The following ARHGAP22 variants were observed in gnomAD, a reference collection of about 807,000 sequenced individuals.
ARHGAP22 encodes the protein Rho GTPase activating protein 22.
A neutral mutation model predicts 59.1 loss-of-function variants in ARHGAP22; 48 were observed. That is an observed-to-expected ratio of 0.81 (90% CI 0.64 to 1.03). ARHGAP22 has a LOEUF of 1.03. ARHGAP22 is among the 50% of genes least tolerant of loss of function. The probability of loss-of-function intolerance (pLI) is 0.00; values close to 1 mark genes in which losing one functional copy is unlikely to be tolerated. For missense variants in ARHGAP22, 1,015 were observed against 958.7 expected, an observed-to-expected ratio of 1.06 and a Z score of -0.78; for synonymous variants, 445 against 416.4, an observed-to-expected ratio of 1.07 and a Z score of -0.84.
At chr10:48,476,928 G>C (rs907105275) in intron 4 of ARHGAP22, among the ~76,000 whole-genome samples, 3 of 152,220 alleles carry the variant, frequency 2.0e-5, no homozygotes, top group Admixed American at 2.0e-4. Context: ...CTTGCTGGCT[G>C]TGTCATCTTG....
intron 1 of ARHGAP22, among the ~76,000 whole-genome samples, chr10:48,603,409 T>C (rs2060498424): frequency 6.6e-6 from 1 of 152,254 alleles, no homozygotes; most frequent in Non-Finnish European, 1.5e-5. Flanking sequence ...TAGATTTTAT[T>C]TAACCCAATA....
At chr10:48,475,156 A>G (rs933966946) in intron 4 of ARHGAP22, among the ~76,000 whole-genome samples, 3 of 152,170 alleles carry the variant, frequency 2.0e-5, no homozygotes, top group African/African-American at 7.2e-5. Context: ...CAAGTCACCA[A>G]TGACTGCTCA....
chr10:48,569,757 G>A (rs2058281459), intron 2 of ARHGAP22, among the ~76,000 whole-genome samples: 1 of 152,218 alleles, frequency 6.6e-6, no homozygotes, highest in African/African-American at 2.4e-5. Flanking sequence ...GTCATTTTTA[G>A]AAGGTGGAGA....
chr10:48,534,333 T>C (rs566808553), intron 3 of ARHGAP22, among the ~76,000 whole-genome samples: 1 of 152,356 alleles, frequency 6.6e-6, no homozygotes, highest in African/African-American at 2.4e-5. Context: ...CCATTGTCCT[T>C]TCCCTGAAGC....
chr10:48,574,128 T>C (rs893082790), intron 2 of ARHGAP22, among the ~76,000 whole-genome samples: 5 of 152,254 alleles, frequency 3.3e-5, no homozygotes, highest in Admixed American at 2.0e-4. Flanking sequence ...ATAAGCTCTT[T>C]GCCAATTCTC....
chr10:48,454,373 G>A (rs2046287471), intron 6 of ARHGAP22, among the ~76,000 whole-genome samples: 1 of 152,192 alleles, frequency 6.6e-6, no homozygotes, highest in Non-Finnish European at 1.5e-5. Context: ...CCAAGGAGCT[G>A]GTGTGAGGGG....
chr10:48,498,257 G>A (rs1040718199), intron 3 of ARHGAP22, among the ~76,000 whole-genome samples: 7 of 152,062 alleles, frequency 4.6e-5, no homozygotes, highest in Non-Finnish European at 7.4e-5. Flanking sequence ...CAGGGACCAC[G>A]GCAGCCACAC....
At chr10:48,573,296 A>G (rs11101387) in intron 2 of ARHGAP22, among the ~76,000 whole-genome samples, 58,789 of 152,110 alleles carry the variant, frequency 0.39, 12,807 homozygotes, top group East Asian at 0.89. Flanking sequence ...GTCCTATAAG[A>G]TAGGTGTGGT....
At chr10:48,565,948 A>G (rs1310738664) in intron 2 of ARHGAP22, among the ~76,000 whole-genome samples, 5 of 152,094 alleles carry the variant, frequency 3.3e-5, no homozygotes, top group Non-Finnish European at 7.4e-5. Context: ...CCTGCTTCCT[A>G]GTGTGTGATG....
At chr10:48,439,243 T>A in the ARHGAP22 span, 1 of 150,334 alleles carries the variant, frequency 6.7e-6, no homozygotes, top group Non-Finnish European at 1.5e-5. Context: ...TGGTTTTTCA[T>A]CATTCATGCC....
At chr10:48,432,497 C>T in the ARHGAP22 span, among the ~76,000 whole-genome samples, 10 of 152,050 alleles carry the variant, frequency 6.6e-5, no homozygotes, top group African/African-American at 2.4e-4. Flanking sequence ...CTTTTCTCTA[C>T]AATTTACTTA....
chr10:48,540,763 T>C (rs1205244156), intron 3 of ARHGAP22, among the ~76,000 whole-genome samples: 1 of 152,118 alleles, frequency 6.6e-6, no homozygotes, highest in Admixed American at 6.5e-5. Flanking sequence ...CCATGACTTT[T>C]AGCATTCTTT....
In ARHGAP22 at chr10:48,640,163, C is replaced by T. The variant is rs141774619; in HGVS notation, c.52+12071G>A. Among the ~76,000 whole-genome samples, 223 of 152,034 alleles carry T rather than the reference C, an allele frequency of 1.5e-3. 1 individual carries two copies. Among genetic ancestry groups the T allele is most frequent in the African/African-American group, 5.0e-3 (206 of 41,486 alleles). On this transcript the variant is annotated intron_variant, in intron 1 of 9. Transcript: ENST00000435790. ...GTAAAGACAGAGTTATCGAAATTAGCGAACCTGAAGAACACAAAACAATTT... is the reference window on the plus strand; with the variant it reads ...GTAAAGACAGAGTTATCGAAATTAGTGAACCTGAAGAACACAAAACAATTT...
At chr10:48,642,350 A>T (rs1200692462) in intron 1 of ARHGAP22, among the ~76,000 whole-genome samples, 1 of 152,240 alleles carries the variant, frequency 6.6e-6, no homozygotes, top group African/African-American at 2.4e-5. Context: ...CTACAAGGCT[A>T]CAGTAACCAA....
At chr10:48,449,106 C>CCAGCCTTCTGCATGGA (rs1286970381) in intron 9 of ARHGAP22, among the ~76,000 whole-genome samples, 2 of 152,178 alleles carry the variant, frequency 1.3e-5, no homozygotes, top group African/African-American at 4.8e-5. Flanking sequence ...CTGGTCCAGC[C>CCAGCCTTCTGCATGGA]CAGCCTTCTG....
chr10:48,492,111 A>C (rs1382778003), intron 3 of ARHGAP22, among the ~76,000 whole-genome samples: 1 of 152,230 alleles, frequency 6.6e-6, no homozygotes, highest in Non-Finnish European at 1.5e-5. Context: ...CATTTTCATA[A>C]GAAAAAGAAA....
At chr10:48,449,443 C>G (rs927940245) in intron 9 of ARHGAP22, among the ~76,000 whole-genome samples, 11 of 152,232 alleles carry the variant, frequency 7.2e-5, no homozygotes, top group African/African-American at 2.7e-4. Context: ...GCTGCCATTC[C>G]AGCTCCCAGT....
chr10:48,581,278 G>C (rs1382146906), intron 2 of ARHGAP22, among the ~76,000 whole-genome samples: 1 of 152,184 alleles, frequency 6.6e-6, no homozygotes, highest in Non-Finnish European at 1.5e-5. Context: ...GGGCTGGCAC[G>C]TTTGCTATAA....
intron 1 of ARHGAP22, among the ~76,000 whole-genome samples, 166 bp from the exon 2 acceptor site, chr10:48,583,318 T>A (rs1210100509): frequency 1.3e-5 from 2 of 152,242 alleles, no homozygotes; most frequent in African/African-American, 4.8e-5. Context: ...GGGCATGGGT[T>A]GGAGCATCTG....
Sources: gnomAD v4.1 joint callset for allele counts (sites outside exome capture counted in the v4.1 genomes callset) on GRCh38, gnomAD v4.1.1 for gene constraint, MANE v1.5 for transcripts, NCBI Gene and HGNC (gene_info 2026-07-23, HGNC 2026-07-21) for gene names.